MLC1: variants seen among roughly 807,000 people sequenced by gnomAD.
MLC1 encodes modulator of VRAC current 1.
Under a neutral mutation model 44.7 loss-of-function variants are expected in MLC1, and 32 were observed. The ratio of observed to expected loss-of-function variants is 0.72; its 90% confidence interval spans 0.54 to 0.96. MLC1 has a LOEUF of 0.96. MLC1 is among the 40% of genes least tolerant of loss of function. MLC1 has a pLI of 0.00. For missense variants in MLC1, 459 were observed against 492.2 expected, an observed-to-expected ratio of 0.93 and a Z score of 0.64; for synonymous variants, 190 against 213.0, an observed-to-expected ratio of 0.89 and a Z score of 0.94.
chr22:50,068,314 G>T, intron 10 of MLC1, 119 bp downstream of exon 10: 1 of 1,406,766 alleles, frequency 7.1e-7, no homozygotes, highest in Non-Finnish European at 9.8e-7. Context: ...CGGAGGAGGT[G>T]CCTCCTGGAG....
chr22:50,063,130 T>C (rs1189923226), intron 11 of MLC1, among the ~76,000 whole-genome samples: 2 of 152,178 alleles, frequency 1.3e-5, no homozygotes, highest in African/African-American at 4.8e-5. Flanking sequence ...GTCCAGAATA[T>C]TTCCCAGGGA....
chr22:50,082,963 C>T, intron 3 of MLC1, 121 bp downstream of exon 3: 1 of 1,010,510 alleles, frequency 9.9e-7, no homozygotes, highest in Non-Finnish European at 1.5e-6. Flanking sequence ...CTGTGCCCGG[C>T]CCATATGAAG....
At chr22:50,067,805 G>C (rs1453099121) in intron 10 of MLC1, among the ~76,000 whole-genome samples, 5 of 91,388 alleles carry the variant, frequency 5.5e-5, no homozygotes, top group African/African-American at 2.4e-4. Context: ...TCCCCCATCA[G>C]ACAGTGACTC....
chr22:50,061,627 T>G lies in MLC1; in HGVS notation c.1090A>C (p.Lys364Gln), dbSNP rs758396297. The change falls in exon 12 of 12, where the codon AAG (lysine) becomes CAG (glutamine). Residue 364 changes from lysine (K) to glutamine (Q), a missense_variant. Transcript: ENST00000311597. ...ACGACGGCTCTCCAGGCTTTCTCCT[T>G]GTCGAACTCCTTCAGGGGGCTCCTG... ...VARSPLKEFD[K>Q]EKAWRAVVVQ... The G allele has an allele frequency of 6.2e-7, 1 of 1,613,756 alleles. No individual in the cohort carries two copies. Among genetic ancestry groups the G allele is most frequent in the East Asian group, 2.2e-5 (1 of 44,856 alleles).
intron 10 of MLC1, among the ~76,000 whole-genome samples, chr22:50,067,118 G>C (rs2061718603): frequency 6.6e-6 from 1 of 152,102 alleles, no homozygotes; most frequent in Admixed American, 6.5e-5. Flanking sequence ...CATGAAGTAG[G>C]AGATATATTA....
chr22:50,066,118 G>A (rs559648358), intron 10 of MLC1, among the ~76,000 whole-genome samples: 2 of 152,052 alleles, frequency 1.3e-5, no homozygotes, highest in South Asian at 2.1e-4. Flanking sequence ...TGGGCGGATC[G>A]CTTGAGCCCA....
At chr22:50,081,770 T>A (rs1394712213) in intron 3 of MLC1, among the ~76,000 whole-genome samples, 1 of 152,000 alleles carries the variant, frequency 6.6e-6, no homozygotes, top group South Asian at 2.1e-4. Context: ...GGGCCCAGGG[T>A]AGAGAAGAAA....
chr22:50,081,017 G>GAAA, intron 3 of MLC1, among the ~76,000 whole-genome samples: 1 of 139,008 alleles, frequency 7.2e-6, no homozygotes, highest in Non-Finnish European at 1.5e-5. Context: ...AAAAAAGAAA[G>GAAA]AAAGAAAGAA....
intron 10 of MLC1, among the ~76,000 whole-genome samples, chr22:50,064,955 C>T (rs1306877919): frequency 1.3e-5 from 2 of 152,186 alleles, no homozygotes; most frequent in Non-Finnish European, 2.9e-5. Context: ...GCGACAGTCT[C>T]CCTCTGTCAC....
Position 50,083,153 on chromosome 22 carries a change from C to T in MLC1, c.198G>A (p.Ser66=), listed in dbSNP as rs199991229. ...VLMGSCLLVT[S]GFSLYLGNVF... is the part of the protein sequence containing the mutation. ...CGTTCCCCAGGTACAGCGAAAACCC[C>T]GAGGTCACCAGGAGGCAGCTCTGCA... The change falls in exon 3 of 12, where the codon TCG becomes TCA. Residue 66 remains serine, a synonymous_variant. Transcript: ENST00000311597. This position sits in a 1 kb window ranked among gnomAD's most constrained non-coding sequence, Gnocchi z 4.6. 1.2e-6 allele frequency: 2 copies of T among 1,614,094 alleles called. No individual in the cohort carries two copies. Among genetic ancestry groups the T allele is most frequent in the Non-Finnish European group, 1.7e-6 (2 of 1,180,006 alleles).
chr22:50,065,260 C>A (rs909449523), intron 10 of MLC1, among the ~76,000 whole-genome samples: 1 of 152,074 alleles, frequency 6.6e-6, no homozygotes, highest in Non-Finnish European at 1.5e-5. Flanking sequence ...ACTTGTGTTC[C>A]CAGCTGGAGT....
rs2062118079 is a variant in MLC1 at position 50,081,029 on chromosome 22, G to GAAAGAAAGAAAGAAAGAA, written c.268-650_268-633dup. Among the ~76,000 whole-genome samples, 7 of 145,954 alleles carry GAAAGAAAGAAAGAAAGAA rather than the reference G, an allele frequency of 4.8e-5. 1 individual carries two copies. Among genetic ancestry groups the GAAAGAAAGAAAGAAAGAA allele is most frequent in the Admixed American group, 4.7e-4 (7 of 14,926 alleles). On this transcript the variant is annotated intron_variant, in intron 3 of 11. Coordinates refer to ENST00000311597, the MANE Select transcript of MLC1 (RefSeq NM_015166.4). ...TCAAAAAAAGAAAGAAAGAAAGAAA[G>GAAAGAAAGAAAGAAAGAA]AAAGAAAGAAAGAAAGAAAGAAAGA...
chr22:50,071,851 A>G (rs547047384), intron 8 of MLC1, among the ~76,000 whole-genome samples: 1 of 152,310 alleles, frequency 6.6e-6, no homozygotes, highest in East Asian at 1.9e-4. Context: ...TCCAGGTGCC[A>G]GCACCCCAGC....
Position 50,082,267 on chromosome 22 carries a change from C to G in MLC1, c.267+817G>C, listed in dbSNP as rs183592775. Among the ~76,000 whole-genome samples, 3 of 151,598 alleles carry G rather than the reference C, an allele frequency of 2.0e-5. 1 individual carries two copies. Among genetic ancestry groups the G allele is most frequent in the Admixed American group, 1.3e-4 (2 of 15,232 alleles). ...CTTGCGGGCCAGAGGGGCATGGGGT[C>G]CATGGCTTGCGGGCCAGAGCCCAGG... is the stretch of plus-strand genomic sequence containing the variant. On this transcript the variant is annotated intron_variant, in intron 3 of 11. Transcript: ENST00000311597.
chr22:50,085,208 G>C, intron 1 of MLC1, 147 bp downstream of exon 1: 1 of 1,265,962 alleles, frequency 7.9e-7, no homozygotes, highest in Non-Finnish European at 1.0e-6. Flanking sequence ...GGCCCTCCAG[G>C]TGCAACACCT....
intron 5 of MLC1, 37 bp from the exon 6 acceptor site, chr22:50,077,539 C>T (rs1236011207): frequency 1.3e-6 from 2 of 1,549,426 alleles, no homozygotes; most frequent in Non-Finnish European, 1.8e-6. Context: ...ACCGGGCCCG[C>T]CTTTCTCACG....
intron 3 of MLC1, among the ~76,000 whole-genome samples, 195 bp from the exon 4 acceptor site, chr22:50,080,592 G>C (rs2062097970): frequency 6.6e-6 from 1 of 152,048 alleles, no homozygotes; most frequent in South Asian, 2.1e-4. Flanking sequence ...TCTTGAGATG[G>C]GGTCTCACTC....
Position 50,060,101 on chromosome 22 carries a change from C to T in MLC1, c.*1482G>A, listed in dbSNP as rs2061532435. 1 of 152,402 alleles carries T rather than the reference C, an allele frequency of 6.6e-6. No individual in the cohort carries two copies. Among genetic ancestry groups the T allele is most frequent in the African/African-American group, 2.4e-5 (1 of 41,470 alleles). The allele number at this position is 152,402 out of a possible 1,614,324, so 9.4% of individuals were successfully genotyped here. A position where few individuals can be genotyped will look rare whatever the true frequency, so the allele number is the denominator to read the frequency against. On this transcript the variant is annotated 3_prime_UTR_variant, in exon 12 of 12. Transcript: ENST00000311597. Reference sequence around the variant, plus strand: ...GCATCTCCGGGCCTTTCCAGCAGCCCATGGGGGACCAGTCAATACACCCCA... The same window carrying T: ...GCATCTCCGGGCCTTTCCAGCAGCCTATGGGGGACCAGTCAATACACCCCA...
intron 11 of MLC1, among the ~76,000 whole-genome samples, chr22:50,062,326 C>A (rs908560721): frequency 4.0e-5 from 6 of 150,458 alleles, no homozygotes; most frequent in African/African-American, 1.5e-4. Flanking sequence ...GAGCCCCAGC[C>A]GCCCACCCTG....
Sources: gnomAD v4.1 joint callset for allele counts (sites outside exome capture counted in the v4.1 genomes callset) on GRCh38, gnomAD v4.1.1 for gene constraint, Gnocchi (gnomAD v3.1) non-coding constraint, MANE v1.5 for transcripts, NCBI Gene and HGNC (gene_info 2026-07-23, HGNC 2026-07-21) for gene names.